Variants in PSD3 observed in about 807,000 individuals in gnomAD.
The protein encoded by PSD3 is pleckstrin and Sec7 domain containing 3.
PSD3 carries 49 observed loss-of-function variants against 105.5 expected under a neutral mutation model. The observed-to-expected ratio is 0.46, with a 90% CI of 0.37 to 0.59. The LOEUF is 0.59. Among genes scored for constraint, PSD3 ranks in the 20% least tolerant of loss-of-function variants. The pLI is 0.00. For missense variants in PSD3, 1,561 were observed against 1,263.8 expected, an observed-to-expected ratio of 1.24 and a Z score of -3.57; for synonymous variants, 557 against 457.8, an observed-to-expected ratio of 1.22 and a Z score of -2.77.
chr8:18,799,376 A>T, intron 7 of PSD3, 23 bp from the exon 8 acceptor site: 2 of 1,557,860 alleles, frequency 1.3e-6, no homozygotes, highest in Non-Finnish European at 1.7e-6. Flanking sequence ...ACAAGAAAAA[A>T]AAGCATGAAT....
At chr8:18,804,406 C>G in intron 6 of PSD3, 116 bp downstream of exon 6, 1 of 840,150 alleles carries the variant, frequency 1.2e-6, no homozygotes. Flanking sequence ...GAATACTCCA[C>G]CTATACATGG....
intron 9 of PSD3, among the ~76,000 whole-genome samples, chr8:18,685,201 T>C (rs1243754168): frequency 6.6e-6 from 1 of 152,206 alleles, no homozygotes; most frequent in Non-Finnish European, 1.5e-5. Context: ...AATGTTCAAA[T>C]TTTGCAACGC....
chr8:18,562,493 A>G (rs1196572847), intron 14 of PSD3, among the ~76,000 whole-genome samples: 1 of 152,198 alleles, frequency 6.6e-6, no homozygotes, highest in Non-Finnish European at 1.5e-5. Flanking sequence ...CAGCTTTCAG[A>G]GCTCTTGGTA....
At chr8:18,800,243 T>C (rs2638624) in intron 7 of PSD3, among the ~76,000 whole-genome samples, 134,814 of 152,216 alleles carry the variant, frequency 0.89, 59,899 homozygotes, top group Non-Finnish European at 0.92. Flanking sequence ...CTAATAAAAA[T>C]GGCCCACTTT....
chr8:18,929,981 A>G (rs1214330720), intron 2 of PSD3, among the ~76,000 whole-genome samples: 1 of 152,192 alleles, frequency 6.6e-6, no homozygotes, highest in African/African-American at 2.4e-5. Flanking sequence ...ATCGTACTTT[A>G]AAATAGGAAA....
chr8:18,797,864 C>T (rs1035930449), intron 8 of PSD3, among the ~76,000 whole-genome samples: 2 of 152,084 alleles, frequency 1.3e-5, no homozygotes, highest in Non-Finnish European at 2.9e-5. Context: ...CTCAAAATAT[C>T]TAGTGTGAAG....
chr8:18,804,663 A>G (rs1487883712), intron 5 of PSD3, 41 bp downstream of exon 5: 3 of 1,611,818 alleles, frequency 1.9e-6, no homozygotes, highest in Non-Finnish European at 2.5e-6. Context: ...CACACACAAA[A>G]CAGGAGAGAA....
intron 7 of PSD3, 26 bp downstream of exon 7, chr8:18,801,244 A>G: frequency 7.2e-7 from 1 of 1,389,518 alleles, no homozygotes; most frequent in East Asian, 2.3e-5. Flanking sequence ...TATAAAAAAG[A>G]AATTCAAGGA....
chr8:18,740,334 A>G (rs1027738488), intron 9 of PSD3, among the ~76,000 whole-genome samples: 1 of 152,156 alleles, frequency 6.6e-6, no homozygotes, highest in African/African-American at 2.4e-5. Context: ...TCTGACCTCA[A>G]CTGCACCCTT....
intron 1 of PSD3, among the ~76,000 whole-genome samples, chr8:18,959,811 G>A (rs1371246642): frequency 1.3e-5 from 2 of 152,190 alleles, no homozygotes. Context: ...AAAGGCTGTA[G>A]TACAGAACCA....
At chr8:18,820,877 C>CGGAG (rs112437114) in intron 4 of PSD3, among the ~76,000 whole-genome samples, 2 of 151,930 alleles carry the variant, frequency 1.3e-5, no homozygotes, top group Non-Finnish European at 2.9e-5. Context: ...CTTCAGCCTC[C>CGGAG]TAACTGGGAC....
intron 12 of PSD3, among the ~76,000 whole-genome samples, chr8:18,584,769 G>C (rs955163967): frequency 6.6e-6 from 1 of 152,134 alleles, no homozygotes; most frequent in African/African-American, 2.4e-5. Context: ...CGGGAATACT[G>C]CTCTTAAATG....
intron 8 of PSD3, among the ~76,000 whole-genome samples, chr8:18,780,382 ATTT>A (rs1262694734): frequency 6.6e-6 from 1 of 151,548 alleles, no homozygotes; most frequent in Non-Finnish European, 1.5e-5. Context: ...GCCAATCTAT[ATTT>A]TTTAAGGGGG....
At chr8:19,044,295 A>C (rs909738099) in intron 1 of PSD3, among the ~76,000 whole-genome samples, 2 of 152,050 alleles carry the variant, frequency 1.3e-5, no homozygotes, top group Non-Finnish European at 2.9e-5. Flanking sequence ...TCCTCAATCC[A>C]CGCTATTTAC....
In PSD3 at chr8:19,064,883, T is replaced by A. The variant is rs1829025346; in HGVS notation, c.324+19323A>T. Reference sequence around the variant, plus strand: ...GTAAAGCAGTGAACATTTACTTCCATTGTATTAAATAAACTTCATAGGAGG... The same window carrying A: ...GTAAAGCAGTGAACATTTACTTCCAATGTATTAAATAAACTTCATAGGAGG... On this transcript the variant is annotated intron_variant, in intron 1 of 1. Coordinates refer to the PSD3 transcript ENST00000521475. Among the ~76,000 whole-genome samples, 11 of 152,330 alleles carry A rather than the reference T, an allele frequency of 7.2e-5. No homozygotes were observed. In the South Asian group the frequency reaches 2.3e-3, roughly 32 times the overall value.
At position 18,804,902 on chromosome 8, in the gene PSD3, T is replaced by C. The variant is rs1233877619; in HGVS notation, c.1635-4A>G. The C allele has an allele frequency of 7.0e-6, 11 of 1,576,222 alleles. No homozygotes were observed. Among genetic ancestry groups the C allele is most frequent in the African/African-American group, 4.1e-5 (3 of 73,052 alleles). ...TGTTGTTTTCACCCCAGCATTGCTATGATAATTGATAAAGAGAGAAAATAA... is the reference window on the plus strand; with the variant it reads ...TGTTGTTTTCACCCCAGCATTGCTACGATAATTGATAAAGAGAGAAAATAA... On this transcript the variant is annotated splice_polypyrimidine_tract_variant and splice_region_variant and intron_variant, in intron 4 of 15. Transcript: ENST00000327040.
At chr8:18,995,879 G>A (rs529864556) in intron 1 of PSD3, among the ~76,000 whole-genome samples, 6 of 152,088 alleles carry the variant, frequency 3.9e-5, no homozygotes, top group East Asian at 1.9e-4. Flanking sequence ...CCCATGACAC[G>A]TGGGGATTAT....
chr8:18,551,778 T>C (rs1585222626), intron 15 of PSD3, among the ~76,000 whole-genome samples: 1 of 152,160 alleles, frequency 6.6e-6, no homozygotes, highest in African/African-American at 2.4e-5. Context: ...TCCTGCTGGA[T>C]TGGAACCTGA....
At chr8:18,723,873 T>C (rs1377199581) in intron 9 of PSD3, among the ~76,000 whole-genome samples, 1 of 152,216 alleles carries the variant, frequency 6.6e-6, no homozygotes, top group Non-Finnish European at 1.5e-5. Context: ...TGATTTTAAA[T>C]CTCTCATGTT....
Sources: allele counts gnomAD v4.1 joint callset (sites outside exome capture counted in the v4.1 genomes callset), GRCh38; gene constraint gnomAD v4.1.1; transcripts MANE v1.5; gene names NCBI Gene and HGNC (gene_info 2026-07-23, HGNC 2026-07-21).